Variants in BRD10 observed in about 807,000 individuals in gnomAD.
BRD10 encodes the protein bromodomain containing 10.
the BRD10 span, among the ~76,000 whole-genome samples, chr9:5,958,741 C>T: frequency 1.3e-5 from 2 of 152,136 alleles, no homozygotes; most frequent in Non-Finnish European, 1.5e-5. Context: ...TCTGTACTTT[C>T]GCCTTAGGAA....
chr9:5,955,683 G>C, the BRD10 span, among the ~76,000 whole-genome samples: 12 of 148,896 alleles, frequency 8.1e-5, no homozygotes, highest in Admixed American at 3.9e-4. Flanking sequence ...ATTTTAATAA[G>C]TATTGACGGG....
At chr9:5,954,823 G>A in the BRD10 span, among the ~76,000 whole-genome samples, 4 of 152,146 alleles carry the variant, frequency 2.6e-5, no homozygotes, top group African/African-American at 7.2e-5. Context: ...AGGCGCGGTG[G>A]CTCACACCTG....
chr9:5,984,956 C>A, the BRD10 span, among the ~76,000 whole-genome samples: 1 of 150,424 alleles, frequency 6.6e-6, no homozygotes, highest in African/African-American at 2.4e-5. Flanking sequence ...TATAGACAAA[C>A]GAATTTGAAA....
the BRD10 span, chr9:6,007,799 C>G: frequency 1.1e-5 from 16 of 1,502,232 alleles, no homozygotes; most frequent in Non-Finnish European, 1.3e-5. Flanking sequence ...CCCCGGCAGG[C>G]CTAGGCTGGG....
At chr9:5,962,115 TA>T in the BRD10 span, among the ~76,000 whole-genome samples, 2 of 152,182 alleles carry the variant, frequency 1.3e-5, no homozygotes, top group Non-Finnish European at 2.9e-5. Flanking sequence ...TGTGGGCATT[TA>T]GTGCTATAAA....
chr9:6,008,128 C>G, the BRD10 span: 4 of 983,948 alleles, frequency 4.1e-6, no homozygotes, highest in Non-Finnish European at 3.6e-6. Flanking sequence ...CCTGCCGGGT[C>G]GCCGCGGCCT....
chr9:5,932,772 T>C, the BRD10 span, among the ~76,000 whole-genome samples: 1 of 152,104 alleles, frequency 6.6e-6, no homozygotes, highest in African/African-American at 2.4e-5. Context: ...CCTTCCACTA[T>C]ACAATGCTGT....
chr9:5,980,035 A>C, the BRD10 span, among the ~76,000 whole-genome samples: 3 of 152,040 alleles, frequency 2.0e-5, no homozygotes, highest in Non-Finnish European at 4.4e-5. Context: ...AAAAGAAAAA[A>C]AAAAAAGAAG....
chr9:6,007,659 G>T, the BRD10 span: 7 of 1,606,110 alleles, frequency 4.4e-6, no homozygotes, highest in Non-Finnish European at 5.9e-6. Flanking sequence ...CACTCCTTCC[G>T]TGGGCCGGCC....
the BRD10 span, among the ~76,000 whole-genome samples, chr9:5,959,962 G>C: frequency 3.3e-4 from 50 of 152,202 alleles, 1 homozygote; most frequent in East Asian, 9.5e-3. Context: ...GCTTCTTCCA[G>C]TGACACCTCA....
chr9:5,984,655 T>A, the BRD10 span, among the ~76,000 whole-genome samples: 1 of 152,054 alleles, frequency 6.6e-6, no homozygotes, highest in African/African-American at 2.4e-5. Flanking sequence ...AGACAAAAGG[T>A]TACTGTACTA....
chr9:5,930,369 TTATATATA>T, the BRD10 span, among the ~76,000 whole-genome samples: 9 of 135,518 alleles, frequency 6.6e-5, no homozygotes, highest in Non-Finnish European at 9.3e-5. Flanking sequence ...TATAAGGAGA[TTATATATA>T]TATATATATA....
At chr9:5,959,482 G>T in the BRD10 span, among the ~76,000 whole-genome samples, 1 of 152,188 alleles carries the variant, frequency 6.6e-6, no homozygotes, top group East Asian at 1.9e-4. Flanking sequence ...TAAAGGCTTA[G>T]AACAGTGCCT....
At chr9:6,002,598 T>G in the BRD10 span, among the ~76,000 whole-genome samples, 1 of 152,186 alleles carries the variant, frequency 6.6e-6, no homozygotes, top group African/African-American at 2.4e-5. Flanking sequence ...TAGGAAAAGA[T>G]TAAAATAAAA....
At chr9:5,900,103 T>C in the BRD10 span, among the ~76,000 whole-genome samples, 1 of 152,244 alleles carries the variant, frequency 6.6e-6, no homozygotes, top group Non-Finnish European at 1.5e-5. Flanking sequence ...TTCCTAACTA[T>C]AATTATTAGT....
At chr9:5,967,838 T>C in the BRD10 span, among the ~76,000 whole-genome samples, 4 of 152,200 alleles carry the variant, frequency 2.6e-5, no homozygotes, top group East Asian at 3.8e-4. Context: ...TGTAAGTATA[T>C]AAAATGTCAT....
the BRD10 span, chr9:5,919,430 A>T: frequency 2.7e-6 from 1 of 372,326 alleles, no homozygotes; most frequent in Non-Finnish European, 4.8e-6. Context: ...GTAAATCCTG[A>T]CTTTAAACAC....
chr9:5,906,690 G>C, the BRD10 span, among the ~76,000 whole-genome samples: 1 of 152,220 alleles, frequency 6.6e-6, no homozygotes, highest in African/African-American at 2.4e-5. Context: ...GCAATTCTGA[G>C]AGGTAGGTAG....
the BRD10 span, among the ~76,000 whole-genome samples, chr9:5,951,318 C>G: frequency 1.1e-5 from 1 of 86,960 alleles, no homozygotes; most frequent in Admixed American, 1.4e-4. Flanking sequence ...TTTAAAAACT[C>G]ATTAGGACTT....
Sources: allele counts gnomAD v4.1 joint callset (sites outside exome capture counted in the v4.1 genomes callset), GRCh38; gene constraint gnomAD v4.1.1; transcripts MANE v1.5; gene names NCBI Gene and HGNC (gene_info 2026-07-23, HGNC 2026-07-21).